Variants in PCCA observed in about 807,000 individuals in gnomAD.
The protein encoded by PCCA is propionyl-CoA carboxylase alpha chain, mitochondrial.
Under a neutral mutation model 101.3 loss-of-function variants are expected in PCCA, and 74 were observed. The observed-to-expected ratio is 0.73, with a 90% confidence interval of 0.61 to 0.89. PCCA has a LOEUF of 0.89. Ranked by LOEUF, PCCA falls within the 40% of genes least tolerant of loss-of-function variation. The pLI, the probability that PCCA is intolerant of heterozygous loss-of-function variation, is 0.00. For synonymous variants in PCCA, 294 were observed against 313.6 expected (o/e 0.94, Z 0.66); for missense variants, 891 against 907.0 (o/e 0.98, Z 0.23).
In PCCA at chr13:100,159,583, T is replaced by A. The variant is rs2054243162; in HGVS notation, c.468+2243T>A. Among the ~76,000 whole-genome samples the A allele has an allele frequency of 2.6e-5, 4 of 152,318 alleles. No homozygotes were observed. The South Asian group carries it at 8.3e-4, about 32-fold the overall frequency. ...GGGAAGAAAATACTGTGAGATAAGA[T>A]CAATATCTTTGTAAATGAAAGTAAG... On this transcript the variant is annotated intron_variant, in intron 6 of 23. Coordinates refer to ENST00000376285, the MANE Select transcript of PCCA (RefSeq NM_000282.4).
chr13:100,361,459 T>TAAA (rs781588470), intron 18 of PCCA, among the ~76,000 whole-genome samples: 235 of 150,802 alleles, frequency 1.6e-3, no homozygotes, highest in South Asian at 2.1e-3. Flanking sequence ...TTTTTTTTTT[T>TAAA]AAATCTGCTG....
intron 19 of PCCA, among the ~76,000 whole-genome samples, chr13:100,401,916 A>G (rs953913191): frequency 6.6e-6 from 1 of 152,110 alleles, no homozygotes; most frequent in African/African-American, 2.4e-5. Context: ...TAGTATTGGG[A>G]TAGAATTTTA....
At chr13:100,330,728 G>A (rs1289291435) in intron 17 of PCCA, 57 bp downstream of exon 17, 7 of 1,001,480 alleles carry the variant, frequency 7.0e-6, no homozygotes, top group Admixed American at 5.3e-5. Flanking sequence ...ATACTTTATT[G>A]TAATACATAA....
chr13:100,385,920 A>T (rs1185221419), intron 19 of PCCA, among the ~76,000 whole-genome samples: 1 of 152,216 alleles, frequency 6.6e-6, no homozygotes, highest in African/African-American at 2.4e-5. Context: ...CCTCTTCCTA[A>T]GATTGTAGAA....
chr13:100,168,680 C>T (rs1297748690), intron 6 of PCCA, among the ~76,000 whole-genome samples: 1 of 152,092 alleles, frequency 6.6e-6, no homozygotes, highest in Non-Finnish European at 1.5e-5. Context: ...TGCTGTCCAC[C>T]CTTTCTGCCC....
chr13:100,338,444 A>G (rs1009272663), intron 17 of PCCA, among the ~76,000 whole-genome samples: 2 of 152,132 alleles, frequency 1.3e-5, no homozygotes, highest in Admixed American at 1.3e-4. Context: ...TTAAAAAAGC[A>G]AATATATTTT....
chr13:100,203,251 G>T (rs2058641969), intron 6 of PCCA, among the ~76,000 whole-genome samples: 2 of 149,402 alleles, frequency 1.3e-5, no homozygotes, highest in South Asian at 4.2e-4. Context: ...TCCAGCCTGG[G>T]TGACAGAGTG....
At chr13:100,432,857 G>T (rs1481962502) in intron 20 of PCCA, among the ~76,000 whole-genome samples, 1 of 152,136 alleles carries the variant, frequency 6.6e-6, no homozygotes, top group Non-Finnish European at 1.5e-5. Context: ...GACTACTGTG[G>T]GTATGGGTAC....
intron 12 of PCCA, among the ~76,000 whole-genome samples, chr13:100,296,886 T>C (rs1417612732): frequency 6.6e-6 from 1 of 152,196 alleles, no homozygotes; most frequent in African/African-American, 2.4e-5. Flanking sequence ...ATGCCTTTTG[T>C]GGTAAAAGAA....
chr13:100,321,593 G>C (rs2068048677), intron 16 of PCCA, among the ~76,000 whole-genome samples: 1 of 5,076 alleles, frequency 2.0e-4, no homozygotes, highest in East Asian at 8.6e-3. Context: ...TAGAAGATCT[G>C]TGTGTGTGTG....
chr13:100,259,417 A>G (rs1014819122), intron 9 of PCCA, among the ~76,000 whole-genome samples: 2 of 139,738 alleles, frequency 1.4e-5, no homozygotes, highest in African/African-American at 2.7e-5. Context: ...TCACTGCAAT[A>G]TCCGCCTCCT....
At chr13:100,368,361 A>G (rs183907126) in intron 18 of PCCA, 111 bp from the exon 19 acceptor site, 2 of 670,280 alleles carry the variant, frequency 3.0e-6, no homozygotes, top group East Asian at 2.8e-5. Flanking sequence ...AATGTTCGCA[A>G]ATACATTCAA....
chr13:100,310,137 T>C (rs2066797702), intron 16 of PCCA, among the ~76,000 whole-genome samples: 1 of 152,242 alleles, frequency 6.6e-6, no homozygotes, highest in Non-Finnish European at 1.5e-5. Flanking sequence ...TATTACTCTA[T>C]ATAACCAGTA....
intron 8 of PCCA, among the ~76,000 whole-genome samples, chr13:100,238,657 A>G (rs560834588): frequency 3.9e-5 from 6 of 152,288 alleles, no homozygotes; most frequent in African/African-American, 1.4e-4. Context: ...TTTCTCTGAA[A>G]ATCTCTTCTG....
At chr13:100,501,873 C>CAATA (rs369191551) in intron 21 of PCCA, among the ~76,000 whole-genome samples, 4,750 of 150,250 alleles carry the variant, frequency 0.032, 145 homozygotes, top group East Asian at 0.098. Context: ...CACTCCTTCT[C>CAATA]AATAAATAAA....
intron 17 of PCCA, among the ~76,000 whole-genome samples, chr13:100,337,547 T>C (rs1410465545): frequency 1.3e-5 from 2 of 152,216 alleles, no homozygotes; most frequent in Admixed American, 1.3e-4. Flanking sequence ...AGACTTCTTA[T>C]ACAGAGCCTG....
intron 21 of PCCA, among the ~76,000 whole-genome samples, chr13:100,477,928 C>T (rs1245118547): frequency 6.6e-6 from 1 of 152,236 alleles, no homozygotes; most frequent in Admixed American, 6.5e-5. Context: ...TGGCCACCTG[C>T]ACCTGACAAG....
intron 4 of PCCA, among the ~76,000 whole-genome samples, chr13:100,113,718 A>G (rs2048538920): frequency 6.6e-6 from 1 of 151,556 alleles, no homozygotes; most frequent in African/African-American, 2.4e-5. Flanking sequence ...AGCTGGGATT[A>G]CAGGCATGTG....
Position 100,283,655 on chromosome 13 carries a change from C to T in PCCA, c.1065+10309C>T, listed in dbSNP as rs370357692. ...GAGGCATTATTAAACCTGGCAACCT[C>T]GGTGTTCTATAATAGGGACCAAGAG... On this transcript the variant is annotated intron_variant, in intron 12 of 23. Transcript: ENST00000376285. 5.5e-3 allele frequency among the ~76,000 whole-genome samples: 789 copies of T among 143,936 alleles called. 5 individuals carry two copies. The highest frequency in any genetic ancestry group is 0.018 in the African/African-American group (672 of 37,604). The allele number at this position is 143,936 out of a possible 152,430, so 94.4% of individuals were successfully genotyped here.
Sources: allele counts gnomAD v4.1 joint callset (sites outside exome capture counted in the v4.1 genomes callset), GRCh38; gene constraint gnomAD v4.1.1; transcripts MANE v1.5; gene names NCBI Gene and HGNC (gene_info 2026-07-23, HGNC 2026-07-21).